Variants in KDM2A observed in about 807,000 individuals in gnomAD.
KDM2A encodes lysine-specific demethylase 2A.
In KDM2A, 3 loss-of-function variants were observed where a neutral mutation model predicts 137.3. The ratio of observed to expected loss-of-function variants is 0.02; its 90% CI spans 0.01 to 0.06. The LOEUF is 0.06. Ranked by LOEUF, KDM2A falls within the 10% of genes least tolerant of loss-of-function variation. KDM2A has a pLI of 1.00. For missense variants in KDM2A, 738 were observed against 1,510.6 expected (o/e 0.49, Z 8.48); for synonymous variants, 512 against 541.5 (o/e 0.95, Z 0.76).
chr11:67,181,759 G>C, intron 4 of KDM2A, 87 bp from the exon 5 acceptor site: 1 of 997,458 alleles, frequency 1.0e-6, no homozygotes, highest in Non-Finnish European at 1.6e-6. Flanking sequence ...CTGTGTCTGG[G>C]GAGTACTCAG....
At chr11:67,165,461 A>G (rs1856718561) in intron 2 of KDM2A, among the ~76,000 whole-genome samples, 2 of 152,278 alleles carry the variant, frequency 1.3e-5, no homozygotes, top group Admixed American at 1.3e-4. Context: ...TTCCTTCTAA[A>G]GCTTCTACTC....
intron 10 of KDM2A, among the ~76,000 whole-genome samples, chr11:67,223,582 TA>T (rs1414745577): frequency 6.6e-6 from 1 of 152,004 alleles, no homozygotes; most frequent in Non-Finnish European, 1.5e-5. Flanking sequence ...TTTTTATTTT[TA>T]TTTTTTTGTA....
chr11:67,178,544 T>G (rs1331390665), intron 2 of KDM2A, among the ~76,000 whole-genome samples: 2 of 152,204 alleles, frequency 1.3e-5, no homozygotes, highest in Admixed American at 1.3e-4. Context: ...ACTTCTCCCA[T>G]TCTTCATTTT....
At chr11:67,128,747 A>G (rs1392641751) in intron 2 of KDM2A, among the ~76,000 whole-genome samples, 1 of 152,192 alleles carries the variant, frequency 6.6e-6, no homozygotes, top group East Asian at 1.9e-4. Context: ...GCTTTCCACT[A>G]GAGTATAAGC....
At chr11:67,133,410 T>C (rs1855899418) in intron 2 of KDM2A, among the ~76,000 whole-genome samples, 1 of 151,390 alleles carries the variant, frequency 6.6e-6, no homozygotes, top group Non-Finnish European at 1.5e-5. Flanking sequence ...CCTATTTTTA[T>C]TTTTTGTTTT....
chr11:67,158,779 G>A (rs970405373), intron 2 of KDM2A, among the ~76,000 whole-genome samples: 10 of 151,926 alleles, frequency 6.6e-5, no homozygotes, highest in African/African-American at 1.5e-4. Context: ...GTGAACCACC[G>A]CCCCCAGCCT....
intron 2 of KDM2A, among the ~76,000 whole-genome samples, chr11:67,127,133 C>T (rs567701531): frequency 6.6e-6 from 1 of 152,132 alleles, no homozygotes; most frequent in South Asian, 2.1e-4. Context: ...GGTCTCACTC[C>T]GTTGCCCAGG....
At chr11:67,211,613 CAAAAAAAAAA>C (rs377116306) in intron 6 of KDM2A, among the ~76,000 whole-genome samples, 4 of 50,246 alleles carry the variant, frequency 8.0e-5, no homozygotes, top group Non-Finnish European at 1.2e-4. Flanking sequence ...GACCCTGTCT[CAAAAAAAAAA>C]AAAAAAAAAA....
chr11:67,248,150 G>T, intron 15 of KDM2A, 131 bp from the exon 16 acceptor site: 1 of 675,470 alleles, frequency 1.5e-6, no homozygotes, highest in Non-Finnish European at 2.6e-6. Context: ...TTTGGGGCTG[G>T]ATTGCTCACA....
At chr11:67,161,213 A>G (rs1390982378) in intron 2 of KDM2A, among the ~76,000 whole-genome samples, 1 of 152,224 alleles carries the variant, frequency 6.6e-6, no homozygotes, top group Admixed American at 6.5e-5. Context: ...ATTTTTTTAA[A>G]TTGAAACCAA....
Position 67,250,930 on chromosome 11 carries a change from C to T in KDM2A, c.2768+132C>T. 1.4e-6 allele frequency: 1 copy of T among 717,464 alleles called. No individual in the cohort carries two copies. Among genetic ancestry groups the T allele is most frequent in the Non-Finnish European group, 2.3e-6 (1 of 429,818 alleles). The allele number at this position is 717,464 out of a possible 1,614,324, so 44.4% of individuals were successfully genotyped here. A position where few individuals can be genotyped will look rare whatever the true frequency, so the allele number is the denominator to read the frequency against. ...ATGAGGAGTGAATTGACCCTTTTTCCCAAACTTTGGGTCCTGTTTAAAGAT... is the reference window on the plus strand; with the variant it reads ...ATGAGGAGTGAATTGACCCTTTTTCTCAAACTTTGGGTCCTGTTTAAAGAT... On this transcript the variant is annotated intron_variant, in intron 17 of 20. Transcript: ENST00000529006. The surrounding 1 kb of genome is among the most constrained non-coding windows in gnomAD (Gnocchi z 7.1).
chr11:67,180,166 C>A lies in KDM2A; in HGVS notation c.130C>A (p.Leu44Met). Residue 44 changes from leucine to methionine, a missense_variant, in exon 3 of 21, where the codon CTG becomes ATG. Physicochemically the swap from Leu to Met is conservative, Grantham distance 15. Transcript: ENST00000529006. Reference protein sequence around the residue: ...GKRTFDLEEKLHTNKYNANFV... With the variant: ...GKRTFDLEEKMHTNKYNANFV... The stretch of plus-strand genomic sequence containing the variant: ...AAGAACTTTTGACTTGGAAGAGAAA[C>A]TGCACACCAACAAATATAATGCCAA... 1 of 1,613,860 alleles carries A rather than the reference C, an allele frequency of 6.2e-7. No homozygotes were observed. Among genetic ancestry groups the A allele is most frequent in the Non-Finnish European group, 8.5e-7 (1 of 1,179,812 alleles).
intron 2 of KDM2A, among the ~76,000 whole-genome samples, chr11:67,155,799 A>G (rs1179387877): frequency 6.7e-6 from 1 of 149,440 alleles, no homozygotes; most frequent in Non-Finnish European, 1.5e-5. Context: ...TATTTTTAGT[A>G]TAGACGGGGT....
At chr11:67,240,325 C>T (rs1369207077) in intron 12 of KDM2A, 9 of 1,535,490 alleles carry the variant, frequency 5.9e-6, no homozygotes, top group Non-Finnish European at 4.4e-6. Flanking sequence ...GCTGGGGAAA[C>T]TTCACCAAGA....
At chr11:67,248,170 C>T (rs1859306390) in intron 15 of KDM2A, 111 bp from the exon 16 acceptor site, 2 of 785,728 alleles carry the variant, frequency 2.5e-6, no homozygotes, top group East Asian at 5.5e-5. Flanking sequence ...AGTTTTTCTC[C>T]CTTTATGGAC....
At chr11:67,145,986 T>G (rs1418779758) in intron 2 of KDM2A, among the ~76,000 whole-genome samples, 1 of 148,298 alleles carries the variant, frequency 6.7e-6, no homozygotes, top group Non-Finnish European at 1.5e-5. Flanking sequence ...GTTTTTTGTT[T>G]TGTTTTTTTT....
At chr11:67,238,069 A>G (rs574786180) in intron 12 of KDM2A, among the ~76,000 whole-genome samples, 6 of 152,346 alleles carry the variant, frequency 3.9e-5, no homozygotes, top group African/African-American at 1.2e-4. Context: ...GTTATGAGGC[A>G]TATATGCTTA....
chr11:67,155,979 GGGCTCAC>G (rs1555082772), intron 2 of KDM2A, among the ~76,000 whole-genome samples: 2 of 148,302 alleles, frequency 1.3e-5, no homozygotes, highest in Non-Finnish European at 1.5e-5. Flanking sequence ...GCGGGGCGCA[GGGCTCAC>G]GCCTGTAATC....
rs143907851 is a variant in KDM2A, at chr11:67,153,269, C to G, written c.43-26810C>G. Among the ~76,000 whole-genome samples, 925 of 152,204 alleles carry G rather than the reference C, an allele frequency of 6.1e-3. 11 individuals carry two copies. Among genetic ancestry groups the G allele is most frequent in the East Asian group, 0.051 (265 of 5,166 alleles). On this transcript the variant is annotated intron_variant, in intron 2 of 20. Transcript: ENST00000529006. Reference sequence around the variant, plus strand: ...CAAGTGCTGGGATTACAGGTGTGAGCCACTGCACCCGGCTGGTGTGTCTTA... The same window carrying G: ...CAAGTGCTGGGATTACAGGTGTGAGGCACTGCACCCGGCTGGTGTGTCTTA...
Sources: gnomAD v4.1 joint callset for allele counts (sites outside exome capture counted in the v4.1 genomes callset) on GRCh38, gnomAD v4.1.1 for gene constraint, Gnocchi (gnomAD v3.1) non-coding constraint, MANE v1.5 for transcripts, NCBI Gene and HGNC (gene_info 2026-07-23, HGNC 2026-07-21) for gene names.